The following IGF2BP2 variants were observed in gnomAD, a reference collection of about 807,000 sequenced individuals.
IGF2BP2 encodes insulin-like growth factor 2 mRNA-binding protein 2.
Under a neutral mutation model 75.8 loss-of-function variants are expected in IGF2BP2, and 17 were observed. That is an observed-to-expected ratio of 0.22 (90% CI 0.15 to 0.34). The LOEUF (loss-of-function observed/expected upper bound fraction) is 0.34. Ranked by LOEUF, IGF2BP2 falls within the 10% of genes least tolerant of loss-of-function variation. The probability of loss-of-function intolerance (pLI) is 1.00; values close to 1 mark genes in which losing one functional copy is unlikely to be tolerated. For missense variants in IGF2BP2, 516 were observed against 772.4 expected (o/e 0.67, Z 3.93); for synonymous variants, 288 against 295.6 (o/e 0.97, Z 0.26).
chr3:185,768,492 C>T (rs554539857), intron 2 of IGF2BP2, among the ~76,000 whole-genome samples: 24 of 152,194 alleles, frequency 1.6e-4, no homozygotes, highest in African/African-American at 5.5e-4. Flanking sequence ...TTAAGTCAAT[C>T]TAAGTATTTT....
intron 6 of IGF2BP2, 78 bp from the exon 7 acceptor site, chr3:185,687,269 C>T (rs1721274163): frequency 4.2e-6 from 6 of 1,426,818 alleles, no homozygotes. Flanking sequence ...GTCACACCAA[C>T]CCATGTACAG....
At chr3:185,797,512 G>A (rs1265250698) in intron 2 of IGF2BP2, among the ~76,000 whole-genome samples, 2 of 152,248 alleles carry the variant, frequency 1.3e-5, no homozygotes, top group Non-Finnish European at 2.9e-5. Context: ...GTTAAGAGCA[G>A]AGTTTGCTGG....
At chr3:185,764,883 G>T (rs1412416197) in intron 2 of IGF2BP2, among the ~76,000 whole-genome samples, 1 of 152,074 alleles carries the variant, frequency 6.6e-6, no homozygotes, top group East Asian at 1.9e-4. Context: ...GAGACAATGG[G>T]GCTCTGTGTA....
chr3:185,773,462 A>G lies in IGF2BP2; in HGVS notation c.239+49691T>C, dbSNP rs1228329959. Among the ~76,000 whole-genome samples, 4 of 152,242 alleles carry G rather than the reference A, an allele frequency of 2.6e-5. No homozygotes were observed. The East Asian group carries it at 7.7e-4, about 29-fold the overall frequency. ...ATTACACATTCAAATGGAAATATAC[A>G]TGAATAGATAATTTTTAGAAGTAGG... On this transcript the variant is annotated intron_variant, in intron 2 of 15. Coordinates refer to ENST00000382199, the MANE Select transcript of IGF2BP2 (RefSeq NM_006548.6).
At chr3:185,663,022 T>G (rs1253813985) in intron 10 of IGF2BP2, among the ~76,000 whole-genome samples, 2 of 152,130 alleles carry the variant, frequency 1.3e-5, no homozygotes, top group African/African-American at 4.8e-5. Flanking sequence ...CAGCCTCAAA[T>G]GGAAGGGGGC....
rs561533110 is a variant in IGF2BP2, at chr3:185,656,990, C to A, written c.1386+296G>T. Among the ~76,000 whole-genome samples the A allele has an allele frequency of 5.3e-5, 8 of 152,354 alleles. No homozygotes were observed. The South Asian group carries it at 1.7e-3, about 32-fold the overall frequency. On this transcript the variant is annotated intron_variant, in intron 12 of 15. Transcript: ENST00000382199. ...ACTTCACCGCAGTCCCTTCCCTTAG[C>A]TTGGGAAAATCCTCAACCTTTCTTT...
chr3:185,685,286 T>C (rs915847240), intron 7 of IGF2BP2, among the ~76,000 whole-genome samples: 2 of 151,664 alleles, frequency 1.3e-5, no homozygotes, highest in South Asian at 2.1e-4. Flanking sequence ...AGACGGGAGG[T>C]TGCAGTGAGC....
chr3:185,821,132 G>A (rs1414890453), intron 2 of IGF2BP2: 4 of 1,489,080 alleles, frequency 2.7e-6, no homozygotes, highest in Non-Finnish European at 3.5e-6. Context: ...CCCTTAGCCT[G>A]CAGTACAAGT....
chr3:185,650,821 C>G (rs1468075905), intron 13 of IGF2BP2, among the ~76,000 whole-genome samples: 1 of 152,244 alleles, frequency 6.6e-6, no homozygotes, highest in Non-Finnish European at 1.5e-5. Flanking sequence ...AGTTCCAACT[C>G]CTCCTATTCT....
intron 2 of IGF2BP2, among the ~76,000 whole-genome samples, chr3:185,721,414 C>T (rs1726520932): frequency 6.6e-6 from 1 of 152,018 alleles, no homozygotes; most frequent in African/African-American, 2.4e-5. Flanking sequence ...GTTGGCCAGG[C>T]TGCTCTCGAA....
At chr3:185,686,751 A>G (rs1043565441) in intron 7 of IGF2BP2, among the ~76,000 whole-genome samples, 3 of 152,166 alleles carry the variant, frequency 2.0e-5, no homozygotes, top group Non-Finnish European at 4.4e-5. Flanking sequence ...GAACATTTCT[A>G]TCATTGCAGA....
rs202064714 is a variant in IGF2BP2 at position 185,820,235 on chromosome 3, TACACAC to T, written c.239+2912_239+2917del. Among the ~76,000 whole-genome samples, 468 of 102,806 alleles carry T rather than the reference TACACAC, an allele frequency of 4.6e-3. 2 individuals carry two copies. Among genetic ancestry groups the T allele is most frequent in the South Asian group, 9.3e-3 (28 of 3,012 alleles). The allele number at this position is 102,806 out of a possible 152,430, so 67.4% of individuals were successfully genotyped here. On this transcript the variant is annotated intron_variant, in intron 2 of 15. Coordinates refer to ENST00000382199, the MANE Select transcript of IGF2BP2 (RefSeq NM_006548.6). Reference sequence around the variant, plus strand: ...GTGTGTGTATGTGTATATATACACATACACACACACACACACACACACACACACACA... The same window carrying T: ...GTGTGTGTATGTGTATATATACACATACACACACACACACACACACACACA...
At chr3:185,771,916 C>T (rs1471071782) in intron 2 of IGF2BP2, among the ~76,000 whole-genome samples, 1 of 152,076 alleles carries the variant, frequency 6.6e-6, no homozygotes, top group Non-Finnish European at 1.5e-5. Flanking sequence ...CTTCTGGAGG[C>T]GGTGTTTATA....
intron 2 of IGF2BP2, among the ~76,000 whole-genome samples, chr3:185,703,492 A>C (rs1723590537): frequency 6.6e-6 from 1 of 152,186 alleles, no homozygotes; most frequent in Non-Finnish European, 1.5e-5. Flanking sequence ...GTGAAACTGA[A>C]GAACCATTTC....
At chr3:185,682,496 G>A (rs555753384) in intron 7 of IGF2BP2, among the ~76,000 whole-genome samples, 25 of 152,142 alleles carry the variant, frequency 1.6e-4, no homozygotes, top group Middle Eastern at 3.4e-3. Flanking sequence ...TAAATTATCC[G>A]GTCTTTAGTA....
chr3:185,794,046 C>T (rs1346361225), intron 2 of IGF2BP2, among the ~76,000 whole-genome samples: 2 of 151,500 alleles, frequency 1.3e-5, no homozygotes, highest in Admixed American at 1.3e-4. Flanking sequence ...CAGTCTCAAC[C>T]TCCTGGGCTC....
At chr3:185,677,396 C>A (rs1269909970) in intron 7 of IGF2BP2, among the ~76,000 whole-genome samples, 2 of 152,066 alleles carry the variant, frequency 1.3e-5, no homozygotes, top group Non-Finnish European at 2.9e-5. Context: ...TACAGTCAGA[C>A]ACCAGAGGGA....
intron 2 of IGF2BP2, among the ~76,000 whole-genome samples, chr3:185,713,043 G>A (rs1163943029): frequency 6.6e-6 from 1 of 152,086 alleles, no homozygotes; most frequent in Non-Finnish European, 1.5e-5. Context: ...ACAGAATAGA[G>A]GGTGTTGCAT....
intron 2 of IGF2BP2, chr3:185,716,726 G>C (rs750961753): frequency 1.9e-6 from 1 of 519,970 alleles, no homozygotes; most frequent in African/African-American, 1.9e-5. Flanking sequence ...AGCCAACCCT[G>C]TCAGCGCTGG....
Sources: gnomAD v4.1 joint callset for allele counts (sites outside exome capture counted in the v4.1 genomes callset) on GRCh38, gnomAD v4.1.1 for gene constraint, MANE v1.5 for transcripts, NCBI Gene and HGNC (gene_info 2026-07-23, HGNC 2026-07-21) for gene names.